The following MGAM variants were observed in gnomAD, a reference collection of about 807,000 sequenced individuals.
MGAM encodes maltase-glucoamylase, also known as alpha-1,4-glucosidase.
A neutral mutation model predicts 358.8 loss-of-function variants in MGAM; 253 were observed. The ratio of observed to expected loss-of-function variants is 0.71; its 90% CI spans 0.64 to 0.78. MGAM has a LOEUF of 0.78. MGAM is among the 30% of genes least tolerant of loss of function. The pLI is 0.00. For missense variants in MGAM, 3,080 were observed against 3,432.6 expected (o/e 0.90, Z 2.57); for synonymous variants, 1,105 against 1,227.1 (o/e 0.90, Z 2.08).
At chr7:142,069,513 A>G (rs1468395120) in intron 43 of MGAM, among the ~76,000 whole-genome samples, 1 of 145,756 alleles carries the variant, frequency 6.9e-6, no homozygotes, top group Non-Finnish European at 1.6e-5. Context: ...TGGAAATACA[A>G]CAAAGGGGTA....
At chr7:142,042,007 ATAATATAATATATATATAT>A (rs1563145576) in intron 21 of MGAM, among the ~76,000 whole-genome samples, 2 of 13,930 alleles carry the variant, frequency 1.4e-4, no homozygotes, top group African/African-American at 6.3e-4. Flanking sequence ...TATTATATAT[ATAATATAATATATATATAT>A]TATATTATAT....
chr7:142,064,410 A>G lies in MGAM; in HGVS notation c.4372A>G (p.Ser1458Gly). The G allele has an allele frequency of 6.2e-7, 1 of 1,608,692 alleles. No individual in the cohort carries two copies. Among genetic ancestry groups the G allele is most frequent in the Middle Eastern group, 1.7e-4 (1 of 6,050 alleles). ...TTTGGAGTCCAGGGACAGGGGCCTG[A>G]GCAGCAAGACCCTTTGTATGGAGAG... ...PHLESRDRGL[S>G]SKTLCMESQQ... is the part of the protein sequence containing the mutation. Residue 1458 changes from serine to glycine, a missense_variant, in exon 37 of 71, where the codon AGC (serine) becomes GGC (glycine). Physicochemically the swap from Ser to Gly is moderately conservative, Grantham distance 56 (BLOSUM62 0). Transcript: ENST00000475668.
rs989857340 is a variant in MGAM, at chr7:142,106,633, C to G, written c.*742C>G. 2 of 152,098 alleles carry G rather than the reference C, an allele frequency of 1.3e-5. No individual in the cohort carries two copies. The highest frequency in any genetic ancestry group is 4.8e-5 in the African/African-American group (2 of 41,426). The allele number at this position is 152,098 out of a possible 1,614,324, so 9.4% of individuals were successfully genotyped here. A position where few individuals can be genotyped will look rare whatever the true frequency, so the allele number is the denominator to read the frequency against. ...GGAGGTTAAAAATAATTTATTTTTGCAGTAGTGTGCTTTGAAATGTGTAAA... is the reference window on the plus strand; with the variant it reads ...GGAGGTTAAAAATAATTTATTTTTGGAGTAGTGTGCTTTGAAATGTGTAAA... On this transcript the variant is annotated 3_prime_UTR_variant, in exon 71 of 71. Transcript: ENST00000475668.
chr7:142,028,214 T>C (rs1807147034), intron 10 of MGAM, among the ~76,000 whole-genome samples: 1 of 152,164 alleles, frequency 6.6e-6, no homozygotes, highest in Admixed American at 6.6e-5. Flanking sequence ...TTGTATCATA[T>C]TTTCAGAAAT....
intron 2 of MGAM, among the ~76,000 whole-genome samples, chr7:141,989,874 A>G (rs1584876442): frequency 6.6e-6 from 1 of 152,354 alleles, no homozygotes; most frequent in Admixed American, 6.5e-5. Flanking sequence ...CACCTAATCC[A>G]CCCATAGTTA....
intron 30 of MGAM, among the ~76,000 whole-genome samples, chr7:142,057,176 T>C (rs1372568300): frequency 1.3e-5 from 2 of 152,046 alleles, no homozygotes; most frequent in African/African-American, 4.8e-5. Context: ...CTGGTAGTGA[T>C]AGTAGTGTGA....
chr7:142,099,513 G>T, intron 66 of MGAM, 100 bp from the exon 67 acceptor site: 1 of 1,570,448 alleles, frequency 6.4e-7, no homozygotes, highest in East Asian at 2.2e-5. Flanking sequence ...TGATGAGCAG[G>T]CATAAGTTCA....
At chr7:142,051,766 A>G (rs1310007781) in intron 24 of MGAM, among the ~76,000 whole-genome samples, 1 of 152,196 alleles carries the variant, frequency 6.6e-6, no homozygotes, top group Non-Finnish European at 1.5e-5. Flanking sequence ...AACATATTTC[A>G]TATAACCCAT....
At chr7:142,050,993 A>T in intron 24 of MGAM, 129 bp downstream of exon 24, 1 of 1,218,878 alleles carries the variant, frequency 8.2e-7, no homozygotes, top group Non-Finnish European at 1.2e-6. Context: ...GGGAAGTGAG[A>T]GGGCTGGGGA....
intron 21 of MGAM, among the ~76,000 whole-genome samples, chr7:142,042,207 C>CAT (rs10667629): frequency 0.11 from 63 of 548 alleles, 15 homozygotes; most frequent in African/African-American, 0.2. Flanking sequence ...TAATATATAA[C>CAT]ATATTATATA....
chr7:142,064,363 T>A (rs752866521), intron 36 of MGAM, 21 bp from the exon 37 acceptor site: 4 of 1,598,506 alleles, frequency 2.5e-6, no homozygotes. Flanking sequence ...GGGTTTCACC[T>A]CGCCAGTTCT....
rs1361052872 is a variant in MGAM at position 142,095,927 on chromosome 7, G to A, written c.7607+214G>A. 7 of 747,718 alleles carry A rather than the reference G, an allele frequency of 9.4e-6. No homozygotes were observed. The East Asian group carries it at 1.9e-4, about 20-fold the overall frequency. 46.3% of individuals were successfully genotyped at this position (747,718 alleles called of 1,614,324 possible). On this transcript the variant is annotated intron_variant, in intron 64 of 70. Transcript: ENST00000475668. ...ATTGAATGAGCAAAACTGAAATGATGCAGTATAGCATAGAATAATTTCTTT... is the reference window on the plus strand; with the variant it reads ...ATTGAATGAGCAAAACTGAAATGATACAGTATAGCATAGAATAATTTCTTT...
At position 142,066,524 on chromosome 7, in the gene MGAM, C is replaced by A. The variant is rs1372413764; in HGVS notation, c.4771-49C>A. The A allele has an allele frequency of 3.9e-6, 6 of 1,539,698 alleles. 1 individual carries two copies. Among genetic ancestry groups the A allele is most frequent in the Non-Finnish European group, 5.3e-6 (6 of 1,123,010 alleles). ...TGCTTTTAGTGACCTTCTTAAATCC[C>A]CTAGAAATTCCAGGGCGAGCTCCCA... On this transcript the variant is annotated intron_variant, in intron 40 of 70. Transcript: ENST00000475668.
intron 10 of MGAM, chr7:142,030,102 A>C (rs1807336876): frequency 2.5e-6 from 1 of 394,572 alleles, no homozygotes; most frequent in South Asian, 2.9e-5. Context: ...ATTGGTTTTT[A>C]ATGCCAGAGT....
intron 8 of MGAM, among the ~76,000 whole-genome samples, chr7:142,026,676 C>T (rs10263497): frequency 0.05 from 7,568 of 152,212 alleles, 422 homozygotes; most frequent in African/African-American, 0.13. Flanking sequence ...TCAGAGAAGA[C>T]TAGAGGTACT....
intron 1 of MGAM, among the ~76,000 whole-genome samples, chr7:141,998,742 A>C (rs10226939): frequency 0.012 from 1,863 of 152,244 alleles, 52 homozygotes; most frequent in African/African-American, 0.042. Context: ...TTTATAGTAG[A>C]ATGATTTATA....
intron 26 of MGAM, among the ~76,000 whole-genome samples, chr7:142,054,268 A>G (rs1811281894): frequency 6.6e-6 from 1 of 152,178 alleles, no homozygotes; most frequent in Admixed American, 6.5e-5. Flanking sequence ...ACACTGCCTT[A>G]TTGAGCTCAC....
chr7:142,045,037 T>C (rs1401661066), intron 21 of MGAM, among the ~76,000 whole-genome samples: 2 of 97,626 alleles, frequency 2.0e-5, no homozygotes, highest in Non-Finnish European at 4.0e-5. Flanking sequence ...TATACACGTG[T>C]AATATATGAT....
Position 142,095,627 on chromosome 7 carries a change from C to T in MGAM, c.7521C>T (p.Thr2507=), listed in dbSNP as rs754757315. 4 of 1,613,728 alleles carry T rather than the reference C, an allele frequency of 2.5e-6. No individual in the cohort carries two copies. The highest frequency in any genetic ancestry group is 2.5e-6 in the Non-Finnish European group (3 of 1,179,794). ...ATATTTCCAGAACTGTCCTGCAGAC[C>T]AGATACACCCTGTTGCCATATCTGT... The part of the protein sequence containing the change: ...FVNISRTVLQ[T]RYTLLPYLYT... The change falls in exon 64 of 71, where the codon ACC becomes ACT. Residue 2507 remains threonine (T), a synonymous_variant. Transcript: ENST00000475668.
Sources: gnomAD v4.1 joint callset for allele counts (sites outside exome capture counted in the v4.1 genomes callset) on GRCh38, gnomAD v4.1.1 for gene constraint, MANE v1.5 for transcripts, NCBI Gene and HGNC (gene_info 2026-07-23, HGNC 2026-07-21) for gene names.